The following PRKN variants were observed in gnomAD, a reference collection of about 807,000 sequenced individuals.
PRKN encodes the protein E3 ubiquitin-protein ligase parkin.
In PRKN, 56 loss-of-function variants were observed where a neutral mutation model predicts 59.5. The observed-to-expected ratio is 0.94, with a 90% CI of 0.76 to 1.18. The LOEUF (loss-of-function observed/expected upper bound fraction) is 1.18. Ranked by LOEUF, PRKN falls within the 50% of genes most tolerant of loss-of-function variation. The pLI is 0.00. For missense variants in PRKN, 657 were observed against 596.4 expected, an observed-to-expected ratio of 1.10 and a Z score of -1.06; for synonymous variants, 250 against 222.1, an observed-to-expected ratio of 1.13 and a Z score of -1.12.
intron 2 of PRKN, among the ~76,000 whole-genome samples, chr6:162,435,398 G>T (rs1266211241): frequency 6.6e-6 from 1 of 151,794 alleles, no homozygotes; most frequent in East Asian, 1.9e-4. Context: ...CCTCAGAGAT[G>T]TTTTGTAAGT....
intron 9 of PRKN, among the ~76,000 whole-genome samples, chr6:161,450,816 A>G (rs1410634908): frequency 6.6e-6 from 1 of 152,240 alleles, no homozygotes; most frequent in African/African-American, 2.4e-5. Context: ...TGGCCTCCCA[A>G]AGTGCTGGGA....
At chr6:162,369,298 C>G (rs1785621408) in intron 2 of PRKN, among the ~76,000 whole-genome samples, 1 of 152,146 alleles carries the variant, frequency 6.6e-6, no homozygotes, top group Non-Finnish European at 1.5e-5. Context: ...ACAGGCAGTT[C>G]TCGAAACAGA....
chr6:161,950,994 G>T (rs548430165), intron 6 of PRKN, among the ~76,000 whole-genome samples: 1 of 95,562 alleles, frequency 1.0e-5, no homozygotes, highest in South Asian at 3.5e-4. Flanking sequence ...TAGAAAGAAA[G>T]AAAATCATCA....
chr6:162,051,668 C>T (rs1306396709), intron 5 of PRKN, among the ~76,000 whole-genome samples: 1 of 151,928 alleles, frequency 6.6e-6, no homozygotes, highest in African/African-American at 2.4e-5. Context: ...TTCCCTGGAA[C>T]CCAGGGTGAG....
At chr6:161,509,587 A>G (rs1778304650) in intron 9 of PRKN, among the ~76,000 whole-genome samples, 1 of 151,276 alleles carries the variant, frequency 6.6e-6, no homozygotes, top group Non-Finnish European at 1.5e-5. Flanking sequence ...GGGGGGAAAA[A>G]AAGAAAAAAA....
chr6:161,536,089 C>G (rs938004454), intron 9 of PRKN, among the ~76,000 whole-genome samples: 3 of 151,862 alleles, frequency 2.0e-5, no homozygotes, highest in Non-Finnish European at 4.4e-5. Flanking sequence ...CAATATCTGC[C>G]CAAAGTCCTT....
At chr6:162,217,888 T>A (rs117859242) in intron 3 of PRKN, among the ~76,000 whole-genome samples, 1 of 152,224 alleles carries the variant, frequency 6.6e-6, no homozygotes, top group Non-Finnish European at 1.5e-5. Flanking sequence ...GCTAACAGCA[T>A]CTAGGAATCC....
chr6:162,497,533 C>T (rs551497146), intron 1 of PRKN, among the ~76,000 whole-genome samples: 40 of 152,298 alleles, frequency 2.6e-4, no homozygotes, highest in Non-Finnish European at 3.7e-4. Context: ...TGGACTCAAA[C>T]GCCCTTTGTG....
chr6:161,863,531 T>C (rs1793992543), intron 6 of PRKN, among the ~76,000 whole-genome samples: 1 of 143,810 alleles, frequency 7.0e-6, no homozygotes, highest in Non-Finnish European at 1.5e-5. Context: ...TTTAGAAAGA[T>C]ATTTGCTCAT....
chr6:162,076,653 C>T (rs1026897581), intron 4 of PRKN, among the ~76,000 whole-genome samples: 9 of 152,060 alleles, frequency 5.9e-5, no homozygotes. Context: ...TGATTTAAAC[C>T]AGCTACAGTT....
At chr6:161,383,331 G>C (rs1260886717) in intron 10 of PRKN, among the ~76,000 whole-genome samples, 1 of 152,220 alleles carries the variant, frequency 6.6e-6, no homozygotes, top group Non-Finnish European at 1.5e-5. Flanking sequence ...AGCAGCTATG[G>C]TTGAAATAAG....
At chr6:162,328,162 C>T (rs1204818819) in intron 2 of PRKN, among the ~76,000 whole-genome samples, 1 of 152,110 alleles carries the variant, frequency 6.6e-6, no homozygotes, top group Non-Finnish European at 1.5e-5. Context: ...AGATCAAGAC[C>T]ATCCTGGCCA....
chr6:162,271,588 T>C (rs1346864557), intron 2 of PRKN: 1 of 151,428 alleles, frequency 6.6e-6, no homozygotes, highest in Non-Finnish European at 1.5e-5. Flanking sequence ...TTTAATGTAA[T>C]GGCTAAGAAC....
At chr6:162,088,631 T>C (rs886229052) in intron 4 of PRKN, among the ~76,000 whole-genome samples, 1 of 152,052 alleles carries the variant, frequency 6.6e-6, no homozygotes, top group Non-Finnish European at 1.5e-5. Flanking sequence ...ACGAAACGGG[T>C]AAATTCCAAG....
intron 2 of PRKN, among the ~76,000 whole-genome samples, chr6:162,345,672 G>C (rs188669200): frequency 1.1e-3 from 163 of 152,290 alleles, no homozygotes; most frequent in African/African-American, 3.8e-3. Context: ...TTAGCATACA[G>C]AAATGCAATT....
At chr6:162,316,550 T>G (rs1782761012) in intron 2 of PRKN, among the ~76,000 whole-genome samples, 1 of 152,106 alleles carries the variant, frequency 6.6e-6, no homozygotes, top group South Asian at 2.1e-4. Context: ...ATGCACACAT[T>G]CCACCGACAA....
rs369652928 is a variant in PRKN, at chr6:161,400,557, G to A, written c.1084-13680C>T. Among the ~76,000 whole-genome samples the A allele has an allele frequency of 1.3e-5, 2 of 151,830 alleles. No homozygotes were observed. Among genetic ancestry groups the A allele is most frequent in the South Asian group, 2.1e-4 (1 of 4,816 alleles). On this transcript the variant is annotated intron_variant, in intron 9 of 11. Coordinates refer to ENST00000366898, the MANE Select transcript of PRKN (RefSeq NM_004562.3). This position sits in a 1 kb window ranked among gnomAD's most constrained non-coding sequence, Gnocchi z 4.2. Reference sequence around the variant, plus strand: ...TCAAACCCCTGACCTCAGGTAATCCGTTCCCCTCAGCCTCCCAAAGTGCTG... The same window carrying A: ...TCAAACCCCTGACCTCAGGTAATCCATTCCCCTCAGCCTCCCAAAGTGCTG...
At chr6:162,260,325 T>C (rs1779836410) in intron 3 of PRKN, among the ~76,000 whole-genome samples, 1 of 152,154 alleles carries the variant, frequency 6.6e-6, no homozygotes, top group African/African-American at 2.4e-5. Flanking sequence ...TCATAGATCA[T>C]ACAGTACTCT....
chr6:162,150,873 G>A (rs1357854475), intron 4 of PRKN, among the ~76,000 whole-genome samples: 1 of 152,106 alleles, frequency 6.6e-6, no homozygotes, highest in East Asian at 1.9e-4. Context: ...ATCCTATGAG[G>A]TGAGTCAAGC....
Sources: gnomAD v4.1 joint callset for allele counts (sites outside exome capture counted in the v4.1 genomes callset) on GRCh38, gnomAD v4.1.1 for gene constraint, Gnocchi (gnomAD v3.1) non-coding constraint, MANE v1.5 for transcripts, NCBI Gene and HGNC (gene_info 2026-07-23, HGNC 2026-07-21) for gene names.